Variants in RIMS2 observed in about 807,000 individuals in gnomAD.
RIMS2 encodes the protein regulating synaptic membrane exocytosis protein 2.
In RIMS2, 59 loss-of-function variants were observed where a neutral mutation model predicts 174.4. The ratio of observed to expected loss-of-function variants is 0.34; its 90% CI spans 0.27 to 0.42. The LOEUF is 0.42. RIMS2 is among the 10% of genes least tolerant of loss of function. RIMS2 has a pLI of 1.00. For missense variants in RIMS2, 1,620 were observed against 1,666.3 expected (o/e 0.97, Z 0.48); for synonymous variants, 606 against 572.5 (o/e 1.06, Z -0.84).
At chr8:103,829,207 A>G (rs555666267) in intron 3 of RIMS2, among the ~76,000 whole-genome samples, 2 of 151,998 alleles carry the variant, frequency 1.3e-5, no homozygotes, top group Non-Finnish European at 2.9e-5. Context: ...ATCTCACACC[A>G]GTCAGAATGG....
At chr8:104,145,657 C>G (rs1040262925) in intron 19 of RIMS2, among the ~76,000 whole-genome samples, 7 of 113,606 alleles carry the variant, frequency 6.2e-5, no homozygotes, top group Admixed American at 2.9e-4. Flanking sequence ...GAAACCCCGT[C>G]TCTACTAAAA....
chr8:103,675,192 A>G (rs145307386), intron 1 of RIMS2, among the ~76,000 whole-genome samples: 147 of 152,216 alleles, frequency 9.7e-4, no homozygotes, highest in African/African-American at 3.2e-3. Context: ...GATTACAGAC[A>G]TGAGCCACCA....
intron 1 of RIMS2, among the ~76,000 whole-genome samples, chr8:103,513,489 G>C (rs1827550674): frequency 6.6e-6 from 1 of 152,156 alleles, no homozygotes; most frequent in South Asian, 2.1e-4. Context: ...GTAACTCTTA[G>C]CAGGGTTAGG....
At chr8:104,016,737 T>C (rs2095919262) in intron 19 of RIMS2, among the ~76,000 whole-genome samples, 1 of 152,092 alleles carries the variant, frequency 6.6e-6, no homozygotes, top group African/African-American at 2.4e-5. Context: ...ATTTTTAAAA[T>C]TGAATTTTTA....
chr8:104,107,356 AT>A (rs2098089894), intron 19 of RIMS2, among the ~76,000 whole-genome samples: 1 of 151,754 alleles, frequency 6.6e-6, no homozygotes. Context: ...TGTGATACCC[AT>A]TTTCTCCCCT....
intron 2 of RIMS2, among the ~76,000 whole-genome samples, chr8:103,725,644 C>G (rs1434954027): frequency 6.6e-6 from 1 of 152,118 alleles, no homozygotes; most frequent in Admixed American, 6.5e-5. Flanking sequence ...TGGATTGCTT[C>G]TAGTGTTGTT....
intron 3 of RIMS2, chr8:103,768,878 A>G (rs1057183325): frequency 3.8e-6 from 2 of 524,874 alleles, no homozygotes; most frequent in African/African-American, 3.9e-5. Context: ...CAGCATACTA[A>G]GAAAAATTAG....
At chr8:103,691,947 G>C (rs1200772567) in intron 1 of RIMS2, among the ~76,000 whole-genome samples, 3 of 152,166 alleles carry the variant, frequency 2.0e-5, no homozygotes, top group Non-Finnish European at 4.4e-5. Context: ...GACTCACAGA[G>C]GTATTGCCTT....
chr8:103,745,505 A>G (rs1262607500), intron 2 of RIMS2, among the ~76,000 whole-genome samples: 2 of 152,202 alleles, frequency 1.3e-5, no homozygotes, highest in African/African-American at 4.8e-5. Flanking sequence ...CCTGGGTTAT[A>G]TGATAATTCT....
Position 103,615,540 on chromosome 8 carries a change from G to A in RIMS2, c.177-81546G>A, listed in dbSNP as rs558689804. 2.0e-5 allele frequency among the ~76,000 whole-genome samples: 3 copies of A among 151,318 alleles called. No individual in the cohort carries two copies. The South Asian group carries it at 6.3e-4, about 32-fold the overall frequency. On this transcript the variant is annotated intron_variant, in intron 1 of 23. Coordinates refer to ENST00000504942, the Ensembl canonical transcript of RIMS2. ...AAATAACAAAAATTAGAGATGAATT[G>A]AGGAAGAAAAGCAAGAGACAAAAAA...
At chr8:103,916,591 T>C (rs1335690199) in intron 8 of RIMS2, 54 bp downstream of exon 11, 2 of 1,367,172 alleles carry the variant, frequency 1.5e-6, no homozygotes, top group Non-Finnish European at 2.0e-6. Flanking sequence ...TGTTAAACAA[T>C]ATGTAATGTG....
intron 1 of RIMS2, among the ~76,000 whole-genome samples, chr8:103,649,685 T>C (rs952765130): frequency 2.6e-5 from 4 of 152,058 alleles, no homozygotes; most frequent in African/African-American, 9.6e-5. Flanking sequence ...ATGCCTGTCT[T>C]ACGTCAGAAA....
chr8:103,948,857 G>A (rs1305324820), intron 14 of RIMS2, among the ~76,000 whole-genome samples: 2 of 151,860 alleles, frequency 1.3e-5, no homozygotes, highest in Non-Finnish European at 2.9e-5. Flanking sequence ...AGGCATGATG[G>A]CTCACACCTG....
chr8:104,032,948 A>C (rs1230462909), intron 19 of RIMS2, among the ~76,000 whole-genome samples: 1 of 151,978 alleles, frequency 6.6e-6, no homozygotes, highest in Non-Finnish European at 1.5e-5. Context: ...AAAATACATA[A>C]TTTAAATATA....
At chr8:103,756,757 A>G (rs990795776) in intron 2 of RIMS2, among the ~76,000 whole-genome samples, 1 of 152,032 alleles carries the variant, frequency 6.6e-6, no homozygotes, top group Non-Finnish European at 1.5e-5. Flanking sequence ...ATCTTTAAAA[A>G]TTTTATTTAA....
At chr8:104,000,361 T>C in intron 17 of RIMS2, among the ~76,000 whole-genome samples, 1 of 151,722 alleles carries the variant, frequency 6.6e-6, no homozygotes, top group Admixed American at 6.6e-5. Context: ...TTCATTCTTC[T>C]TGCTAATCAT....
intron 19 of RIMS2, among the ~76,000 whole-genome samples, chr8:104,222,425 C>T (rs2511574): frequency 0.32 from 49,060 of 152,018 alleles, 8,109 homozygotes; most frequent in African/African-American, 0.39. Flanking sequence ...TTTTAGATTG[C>T]ATAATTTACA....
intron 15 of RIMS2, among the ~76,000 whole-genome samples, chr8:103,967,852 T>C (rs1007658216): frequency 3.4e-5 from 3 of 88,110 alleles, no homozygotes; most frequent in Admixed American, 9.8e-5. Context: ...CTACTCCTGC[T>C]TTTTTTTTTT....
chr8:103,943,578 C>G (rs1002958266), intron 14 of RIMS2, among the ~76,000 whole-genome samples: 9 of 151,912 alleles, frequency 5.9e-5, no homozygotes, highest in African/African-American at 1.9e-4. Context: ...CACATTTTGC[C>G]CTGGATTTTA....
Sources: gnomAD v4.1 joint callset for allele counts (sites outside exome capture counted in the v4.1 genomes callset) on GRCh38, gnomAD v4.1.1 for gene constraint, MANE v1.5 for transcripts, NCBI Gene and HGNC (gene_info 2026-07-23, HGNC 2026-07-21) for gene names.